STX18: variants seen among roughly 807,000 people sequenced by gnomAD.
STX18 encodes the protein syntaxin 18.
A neutral mutation model predicts 50.1 loss-of-function variants in STX18; 40 were observed. The observed-to-expected ratio is 0.80, with a 90% CI of 0.62 to 1.04. STX18 has a LOEUF of 1.04. STX18 is among the 50% of genes least tolerant of loss of function. The pLI is 0.00. For synonymous variants in STX18, 158 were observed against 151.8 expected, an observed-to-expected ratio of 1.04 and a Z score of -0.30; for missense variants, 410 against 415.8, an observed-to-expected ratio of 0.99 and a Z score of 0.12.
rs901917099 is a variant in STX18 at position 4,527,711 on chromosome 4, C to T, written c.168+14086G>A. ...TCACTGAGAGAAAAATCTGTGTGAG[C>T]CTAAAATACTTGACTTTTCCCACTG... On this transcript the variant is annotated intron_variant, in intron 1 of 10. Coordinates refer to ENST00000306200, the MANE Select transcript of STX18 (RefSeq NM_016930.4). 1.1e-4 allele frequency among the ~76,000 whole-genome samples: 16 copies of T among 147,454 alleles called. No homozygotes were observed. The East Asian group carries it at 3.1e-3, about 29-fold the overall frequency.
intron 1 of STX18, among the ~76,000 whole-genome samples, chr4:4,527,418 T>G (rs1730820927): frequency 1.3e-5 from 2 of 152,246 alleles, no homozygotes; most frequent in South Asian, 4.1e-4. Flanking sequence ...ATTACTTTAA[T>G]GGAAACTTTT....
chr4:4,527,685 G>A (rs571205420), intron 1 of STX18, among the ~76,000 whole-genome samples: 9 of 151,486 alleles, frequency 5.9e-5, no homozygotes, highest in African/African-American at 1.5e-4. Context: ...GAACTGCCAC[G>A]TCACTGAGAG....
At chr4:4,508,802 C>T (rs114682060) in intron 1 of STX18, among the ~76,000 whole-genome samples, 342 of 152,326 alleles carry the variant, frequency 2.2e-3, no homozygotes, top group Middle Eastern at 0.014. Context: ...TAAGTGAGAA[C>T]AGGCAGTGTT....
chr4:4,444,483 C>T (rs191542067), intron 5 of STX18, among the ~76,000 whole-genome samples: 2 of 152,296 alleles, frequency 1.3e-5, no homozygotes, highest in Non-Finnish European at 2.9e-5. Context: ...GTGAGCTTCC[C>T]TGATTGACAA....
intron 2 of STX18, among the ~76,000 whole-genome samples, chr4:4,462,793 C>A (rs771525926): frequency 2.0e-5 from 3 of 152,114 alleles, no homozygotes; most frequent in Non-Finnish European, 4.4e-5. Context: ...AGTTATCTGC[C>A]CTTAAGTGGC....
rs1328251018 is a variant in STX18, at chr4:4,541,793, T to G, written c.168+4A>C. 20 of 1,606,034 alleles carry G rather than the reference T, an allele frequency of 1.2e-5. No individual in the cohort carries two copies. The South Asian group carries it at 2.1e-4, about 17-fold the overall frequency. The stretch of plus-strand genomic sequence containing the variant: ...ACCCGCCGTTTCCATAGCAACCAGC[T>G]CACCACTTCGCGGGCCCGGCTGGAG... On this transcript the variant is annotated splice_donor_region_variant and intron_variant, in intron 1 of 10. Coordinates refer to ENST00000306200, the MANE Select transcript of STX18 (RefSeq NM_016930.4).
intron 2 of STX18, among the ~76,000 whole-genome samples, chr4:4,466,255 CAT>C (rs1727616946): frequency 6.6e-6 from 1 of 151,912 alleles, no homozygotes; most frequent in Admixed American, 6.6e-5. Flanking sequence ...GAACATGTGA[CAT>C]GTGTGGATTG....
chr4:4,513,498 C>A (rs886656424), intron 1 of STX18, among the ~76,000 whole-genome samples: 17 of 152,190 alleles, frequency 1.1e-4, no homozygotes, highest in Non-Finnish European at 2.5e-4. Context: ...TCGTGGAAGT[C>A]ATCTAATGGT....
intron 1 of STX18, among the ~76,000 whole-genome samples, chr4:4,487,505 T>G (rs1728751217): frequency 6.6e-6 from 1 of 152,212 alleles, no homozygotes; most frequent in East Asian, 1.9e-4. Flanking sequence ...CCTGGCAAGT[T>G]GAAAAGCCAG....
chr4:4,480,652 T>TA (rs1184880939), intron 1 of STX18, among the ~76,000 whole-genome samples: 3 of 152,214 alleles, frequency 2.0e-5, no homozygotes, highest in Non-Finnish European at 4.4e-5. Flanking sequence ...TTTCTTTTTT[T>TA]AAAAAACTTT....
At chr4:4,502,740 C>A (rs1159348477) in intron 1 of STX18, among the ~76,000 whole-genome samples, 2 of 152,134 alleles carry the variant, frequency 1.3e-5, no homozygotes, top group African/African-American at 2.4e-5. Context: ...GGTGTGTGTG[C>A]AGCACATGTA....
At chr4:4,478,241 A>C (rs927752635) in intron 1 of STX18, among the ~76,000 whole-genome samples, 9 of 151,884 alleles carry the variant, frequency 5.9e-5, no homozygotes, top group Non-Finnish European at 1.2e-4. Context: ...AAAAAACAAA[A>C]ACGTTTTCAC....
chr4:4,496,628 A>G (rs896244539), intron 1 of STX18, among the ~76,000 whole-genome samples: 1 of 152,178 alleles, frequency 6.6e-6, no homozygotes, highest in African/African-American at 2.4e-5. Flanking sequence ...GTGCTATTTT[A>G]TAATCAGGAG....
rs1452812864 is a variant in STX18, at chr4:4,420,153, T to C, written c.913-24A>G. 1.3e-6 allele frequency: 2 copies of C among 1,586,402 alleles called. No homozygotes were observed. Among genetic ancestry groups the C allele is most frequent in the East Asian group, 2.3e-5 (1 of 43,442 alleles). On this transcript the variant is annotated intron_variant, in intron 10 of 10. Transcript: ENST00000306200. This position sits in a 1 kb window ranked among gnomAD's most constrained non-coding sequence, Gnocchi z 4.3. ...GCCTGGGCAGGGACGGGAGCACAGG[T>C]GTTTTTATCACACAGGATTTTGGTT...
chr4:4,517,592 T>C (rs1385363438), intron 1 of STX18, among the ~76,000 whole-genome samples: 1 of 152,170 alleles, frequency 6.6e-6, no homozygotes, highest in Admixed American at 6.5e-5. Context: ...ACAAAATGCA[T>C]AAACGTGATT....
intron 1 of STX18, among the ~76,000 whole-genome samples, chr4:4,532,115 C>G (rs962454971): frequency 6.6e-6 from 1 of 152,112 alleles, no homozygotes; most frequent in Non-Finnish European, 1.5e-5. Flanking sequence ...TGTTATGTAA[C>G]CCCTCTCTAC....
At chr4:4,472,593 TTGCTC>T (rs1297082292) in intron 1 of STX18, among the ~76,000 whole-genome samples, 1 of 152,244 alleles carries the variant, frequency 6.6e-6, no homozygotes, top group Non-Finnish European at 1.5e-5. Context: ...AATTTTCACT[TTGCTC>T]TGATCTTAAA....
chr4:4,511,713 AGTGTGTGTGT>A (rs3038434), intron 1 of STX18, among the ~76,000 whole-genome samples: 27,493 of 137,392 alleles, frequency 0.2, 2,680 homozygotes, highest in Non-Finnish European at 0.24. Context: ...ACTCATGATT[AGTGTGTGTGT>A]GTGTGTGTGT....
At chr4:4,524,743 T>G (rs1730672898) in intron 1 of STX18, among the ~76,000 whole-genome samples, 1 of 152,246 alleles carries the variant, frequency 6.6e-6, no homozygotes, top group Non-Finnish European at 1.5e-5. Context: ...CCACTAGACT[T>G]TTCAGTGATA....
Sources: allele counts gnomAD v4.1 joint callset (sites outside exome capture counted in the v4.1 genomes callset), GRCh38; gene constraint gnomAD v4.1.1; non-coding constraint Gnocchi (gnomAD v3.1); transcripts MANE v1.5; gene names NCBI Gene and HGNC (gene_info 2026-07-23, HGNC 2026-07-21).